CNTN4: variants seen among roughly 807,000 people sequenced by gnomAD.
CNTN4 encodes the protein contactin-4.
Under a neutral mutation model 122.5 loss-of-function variants are expected in CNTN4, and 77 were observed. The observed-to-expected ratio is 0.63, with a 90% confidence interval of 0.52 to 0.76. CNTN4 has a LOEUF of 0.76. Among genes scored for constraint, CNTN4 ranks in the 30% least tolerant of loss-of-function variants. The pLI, the probability that CNTN4 is intolerant of heterozygous loss-of-function variation, is 0.00. For synonymous variants in CNTN4, 512 were observed against 447.0 expected (o/e 1.15, Z -1.83); for missense variants, 1,256 against 1,259.1 (o/e 1.00, Z 0.04).
At chr3:2,368,855 G>A (rs2045519022) in intron 3 of CNTN4, among the ~76,000 whole-genome samples, 2 of 152,184 alleles carry the variant, frequency 1.3e-5, no homozygotes, top group African/African-American at 4.8e-5. Context: ...CGTAAAATTG[G>A]ATGGTGAATT....
At chr3:2,257,777 A>G (rs2040659747) in intron 2 of CNTN4, among the ~76,000 whole-genome samples, 1 of 152,166 alleles carries the variant, frequency 6.6e-6, no homozygotes, top group Non-Finnish European at 1.5e-5. Context: ...AAAAGTTAGG[A>G]AATAGGCCGT....
At chr3:2,384,393 G>A (rs531348557) in intron 3 of CNTN4, among the ~76,000 whole-genome samples, 6 of 152,124 alleles carry the variant, frequency 3.9e-5, no homozygotes, top group Admixed American at 6.5e-5. Flanking sequence ...TTCCAAAGTC[G>A]CCTAATTACT....
Position 2,593,978 on chromosome 3 carries a change from TCAGA to T in CNTN4, c.55+22424_55+22427del, listed in dbSNP as rs537777660. On this transcript the variant is annotated intron_variant, in intron 4 of 24. Transcript: ENST00000418658. ...ATTATTTTAACATAAATAGGTGTTT[TCAGA>T]CAGTCTCATTATTTGTGTATTCCAA... 2.5e-4 allele frequency among the ~76,000 whole-genome samples: 38 copies of T among 152,326 alleles called. No homozygotes were observed. The East Asian group carries it at 7.1e-3, about 29-fold the overall frequency.
chr3:2,667,300 G>A (rs955744407), intron 4 of CNTN4, among the ~76,000 whole-genome samples: 15 of 152,214 alleles, frequency 9.9e-5, no homozygotes, highest in African/African-American at 3.6e-4. Flanking sequence ...GTGTGAGATG[G>A]TATCTCATTG....
chr3:2,148,922 A>C (rs553664818), intron 2 of CNTN4, among the ~76,000 whole-genome samples: 1 of 148,132 alleles, frequency 6.8e-6, no homozygotes, highest in Admixed American at 6.9e-5. Flanking sequence ...ATTGAACATT[A>C]CATCCCCTTA....
chr3:2,184,897 T>C (rs774420115), intron 2 of CNTN4, among the ~76,000 whole-genome samples: 3 of 152,208 alleles, frequency 2.0e-5, no homozygotes, highest in Non-Finnish European at 2.9e-5. Flanking sequence ...TGGACAAAGA[T>C]ACTGGCCCTT....
chr3:2,126,609 G>A (rs780803136), intron 2 of CNTN4, among the ~76,000 whole-genome samples: 13 of 152,270 alleles, frequency 8.5e-5, no homozygotes, highest in South Asian at 8.3e-4. Context: ...TCCTTAGCAC[G>A]TAATTGTTTT....
At chr3:2,530,154 T>A (rs2077543300) in intron 3 of CNTN4, among the ~76,000 whole-genome samples, 1 of 152,130 alleles carries the variant, frequency 6.6e-6, no homozygotes. Context: ...TCTTTCTAGG[T>A]TGCCTCTCCA....
chr3:2,426,382 G>T (rs565788131), intron 3 of CNTN4, among the ~76,000 whole-genome samples: 26 of 152,124 alleles, frequency 1.7e-4, no homozygotes, highest in Middle Eastern at 3.4e-3. Flanking sequence ...ATTGATTTTC[G>T]TTATGTTGAA....
At chr3:2,298,260 A>G (rs2042384477) in intron 2 of CNTN4, among the ~76,000 whole-genome samples, 1 of 152,192 alleles carries the variant, frequency 6.6e-6, no homozygotes, top group Admixed American at 6.5e-5. Flanking sequence ...TCGTCTTGTC[A>G]GTCGAATTAA....
At chr3:2,417,461 G>T (rs1346996373) in intron 3 of CNTN4, among the ~76,000 whole-genome samples, 1 of 152,134 alleles carries the variant, frequency 6.6e-6, no homozygotes, top group Non-Finnish European at 1.5e-5. Flanking sequence ...CTTCACTTTG[G>T]GGTCATGAGA....
intron 4 of CNTN4, among the ~76,000 whole-genome samples, chr3:2,673,838 G>A (rs550735186): frequency 2.4e-4 from 36 of 152,240 alleles, no homozygotes; most frequent in African/African-American, 8.4e-4. Flanking sequence ...CGCTGCGCCC[G>A]GCCGGAGGGT....
intron 2 of CNTN4, among the ~76,000 whole-genome samples, chr3:2,107,898 C>T (rs557422401): frequency 1.2e-4 from 19 of 152,258 alleles, no homozygotes; most frequent in African/African-American, 4.1e-4. Context: ...TGGCATACCC[C>T]TACCCAGGCA....
At chr3:2,801,458 G>C (rs773093037) in intron 6 of CNTN4, among the ~76,000 whole-genome samples, 2 of 152,170 alleles carry the variant, frequency 1.3e-5, no homozygotes, top group Non-Finnish European at 2.9e-5. Flanking sequence ...CCAGGTTGTT[G>C]AATCTTTGTA....
rs544903996 is a variant in CNTN4 at position 3,034,617 on chromosome 3, C to A, written c.1784-15C>A. The A allele has an allele frequency of 6.2e-7, 1 of 1,614,024 alleles. No individual in the cohort carries two copies. The highest frequency in any genetic ancestry group is 1.7e-5 in the Admixed American group (1 of 60,030). The stretch of plus-strand genomic sequence containing the variant: ...AATACACTGCTCCAATTCTGGGGGT[C>A]TTGCTCTTTCCCAGGTCCTCCAGGT... On this transcript the variant is annotated splice_polypyrimidine_tract_variant and intron_variant, in intron 16 of 24. Coordinates refer to ENST00000418658, the MANE Select transcript of CNTN4 (RefSeq NM_175607.3).
At chr3:2,340,706 TATATAG>T (rs1358332692) in intron 3 of CNTN4, among the ~76,000 whole-genome samples, 1 of 24,074 alleles carries the variant, frequency 4.2e-5, no homozygotes, top group African/African-American at 8.7e-5. Context: ...TATATATATA[TATATAG>T]AGAGAGAGAG....
intron 8 of CNTN4, among the ~76,000 whole-genome samples, chr3:2,869,143 C>A (rs1172945942): frequency 6.6e-6 from 1 of 152,138 alleles, no homozygotes; most frequent in East Asian, 1.9e-4. Flanking sequence ...GAGAAATTAG[C>A]AGATTTTACT....
chr3:2,805,752 C>T (rs190169862), intron 6 of CNTN4, among the ~76,000 whole-genome samples: 3 of 152,144 alleles, frequency 2.0e-5, no homozygotes, highest in African/African-American at 2.4e-5. Flanking sequence ...AGGTTTTTAT[C>T]CCGGAAGCTA....
At chr3:2,224,905 T>C (rs866883964) in intron 2 of CNTN4, among the ~76,000 whole-genome samples, 9 of 151,928 alleles carry the variant, frequency 5.9e-5, no homozygotes, top group South Asian at 4.1e-4. Context: ...AATCCCAGCA[T>C]TTTGGGAGGC....
Sources: gnomAD v4.1 joint callset for allele counts (sites outside exome capture counted in the v4.1 genomes callset) on GRCh38, gnomAD v4.1.1 for gene constraint, MANE v1.5 for transcripts, NCBI Gene and HGNC (gene_info 2026-07-23, HGNC 2026-07-21) for gene names.